Variants in ZBTB40 observed in about 807,000 individuals in gnomAD.
ZBTB40 encodes the protein zinc finger and BTB domain containing 40.
Under a neutral mutation model 117.5 loss-of-function variants are expected in ZBTB40, and 60 were observed. That is an observed-to-expected ratio of 0.51 (90% CI 0.41 to 0.63). The LOEUF (loss-of-function observed/expected upper bound fraction) is 0.63, where lower values mean the gene tolerates loss of function less well. Ranked by LOEUF, ZBTB40 falls within the 30% of genes least tolerant of loss-of-function variation. The probability of loss-of-function intolerance (pLI) is 0.00; values close to 1 mark genes in which losing one functional copy is unlikely to be tolerated. For synonymous variants in ZBTB40, 525 were observed against 577.1 expected (o/e 0.91, Z 1.29); for missense variants, 1,287 against 1,498.5 (o/e 0.86, Z 2.33).
intron 1 of ZBTB40, among the ~76,000 whole-genome samples, chr1:22,476,943 G>A (rs1641562216): frequency 6.6e-6 from 1 of 152,184 alleles, no homozygotes; most frequent in African/African-American, 2.4e-5. Flanking sequence ...TCCGGAAAGT[G>A]CCCTTTCACC....
At chr1:22,495,088 T>C (rs1638736981) in intron 3 of ZBTB40, among the ~76,000 whole-genome samples, 4 of 152,198 alleles carry the variant, frequency 2.6e-5, no homozygotes, top group African/African-American at 9.6e-5. Context: ...TTAAAAATAG[T>C]CTACTCCTGG....
chr1:22,433,955 G>A (rs1640636741), intron 1 of ZBTB40, among the ~76,000 whole-genome samples: 1 of 151,504 alleles, frequency 6.6e-6, no homozygotes, highest in South Asian at 2.1e-4. Flanking sequence ...ACATTCTTTA[G>A]TACACATGCA....
At chr1:22,474,006 A>G (rs1162581451) in intron 1 of ZBTB40, among the ~76,000 whole-genome samples, 1 of 152,174 alleles carries the variant, frequency 6.6e-6, no homozygotes, top group African/African-American at 2.4e-5. Flanking sequence ...GCAAAGTGTT[A>G]TTAGCATCAT....
chr1:22,471,059 A>AT (rs1641391916), intron 1 of ZBTB40, among the ~76,000 whole-genome samples: 1 of 152,226 alleles, frequency 6.6e-6, no homozygotes, highest in Non-Finnish European at 1.5e-5. Context: ...AGATAGTGCT[A>AT]TCCAACCTCC....
intron 1 of ZBTB40, among the ~76,000 whole-genome samples, chr1:22,479,135 A>T (rs1204735752): frequency 1.3e-5 from 2 of 152,222 alleles, no homozygotes; most frequent in Non-Finnish European, 2.9e-5. Flanking sequence ...AGTCTTCATT[A>T]TAAGAAATTG....
intron 1 of ZBTB40, among the ~76,000 whole-genome samples, chr1:22,432,174 G>A (rs1640600741): frequency 6.6e-6 from 1 of 152,180 alleles, no homozygotes; most frequent in South Asian, 2.1e-4. Flanking sequence ...TCTCTTCCTG[G>A]TTCTGGGTGC....
In ZBTB40 at chr1:22,527,708, C is replaced by T. The variant is rs1320260049; in HGVS notation, c.*1312C>T. The T allele has an allele frequency of 1.3e-5, 2 of 152,440 alleles. No individual in the cohort carries two copies. The highest frequency in any genetic ancestry group is 4.8e-5 in the African/African-American group (2 of 41,466). The allele number at this position is 152,440 out of a possible 1,614,324, so 9.4% of individuals were successfully genotyped here. A position where few individuals can be genotyped will look rare whatever the true frequency, so the allele number is the denominator to read the frequency against. On this transcript the variant is annotated 3_prime_UTR_variant, in exon 18 of 18. Transcript: ENST00000375647. ...CACACTGGCAGAGATGGGGCCACCCCTTCCTTCCAGGCACATCTCACATTG... is the reference window on the plus strand; with the variant it reads ...CACACTGGCAGAGATGGGGCCACCCTTTCCTTCCAGGCACATCTCACATTG...
At chr1:22,516,073 GT>G (rs2124464869) in intron 12 of ZBTB40, among the ~76,000 whole-genome samples, 1 of 152,294 alleles carries the variant, frequency 6.6e-6, no homozygotes, top group East Asian at 1.9e-4. Flanking sequence ...GATGTGGGAT[GT>G]GAAGGAAAGA....
At chr1:22,507,278 A>C (rs535782568) in intron 6 of ZBTB40, among the ~76,000 whole-genome samples, 1 of 152,346 alleles carries the variant, frequency 6.6e-6, no homozygotes, top group Admixed American at 6.5e-5. Flanking sequence ...TGGCTAGTAT[A>C]ATACATGTAA....
chr1:22,452,892 G>A (rs1002576382), intron 1 of ZBTB40: 3 of 152,310 alleles, frequency 2.0e-5, no homozygotes, highest in African/African-American at 7.2e-5. Flanking sequence ...AATGAACCAG[G>A]TGCTTTATTT....
chr1:22,500,304 A>G (rs1006021443), intron 3 of ZBTB40, among the ~76,000 whole-genome samples: 9 of 152,174 alleles, frequency 5.9e-5, no homozygotes, highest in African/African-American at 2.2e-4. Context: ...TTGGTTTTAT[A>G]TGCGCCCCTG....
chr1:22,441,267 A>G (rs938994236), intron 1 of ZBTB40, among the ~76,000 whole-genome samples: 11 of 152,068 alleles, frequency 7.2e-5, no homozygotes, highest in African/African-American at 1.9e-4. Flanking sequence ...GTTGGTATAC[A>G]ATTGTTTGTA....
chr1:22,458,248 G>C (rs981449897), intron 1 of ZBTB40, among the ~76,000 whole-genome samples: 1 of 152,178 alleles, frequency 6.6e-6, no homozygotes, highest in African/African-American at 2.4e-5. Context: ...GCACAGATCG[G>C]AATATGTGAT....
At chr1:22,495,941 G>A (rs1170977283) in intron 3 of ZBTB40, among the ~76,000 whole-genome samples, 1 of 152,168 alleles carries the variant, frequency 6.6e-6, no homozygotes, top group Admixed American at 6.5e-5. Context: ...TTTTCATGTG[G>A]GTAAAAACAA....
chr1:22,517,805 TC>T (rs1639415288), intron 13 of ZBTB40, among the ~76,000 whole-genome samples: 1 of 53,782 alleles, frequency 1.9e-5, no homozygotes, highest in Non-Finnish European at 3.3e-5. Flanking sequence ...CATTAGGCCA[TC>T]TTCCATTTGC....
intron 1 of ZBTB40, among the ~76,000 whole-genome samples, chr1:22,460,712 A>G (rs34218005): frequency 0.025 from 3,869 of 152,330 alleles, 68 homozygotes; most frequent in Non-Finnish European, 0.035. Flanking sequence ...CAGATTTAGA[A>G]CCCAACTCTT....
chr1:22,481,667 C>G (rs1462994136), intron 1 of ZBTB40, among the ~76,000 whole-genome samples: 1 of 151,410 alleles, frequency 6.6e-6, no homozygotes, highest in Non-Finnish European at 1.5e-5. Flanking sequence ...TTGAGTCTAT[C>G]CCGAAAATAT....
intron 3 of ZBTB40, among the ~76,000 whole-genome samples, chr1:22,500,853 C>T (rs1638918201): frequency 6.6e-6 from 1 of 152,148 alleles, no homozygotes; most frequent in Admixed American, 6.5e-5. Flanking sequence ...ATTAATAAGG[C>T]CCGTGTCTTT....
chr1:22,467,536 G>A (rs566337511), intron 1 of ZBTB40, among the ~76,000 whole-genome samples: 187 of 152,202 alleles, frequency 1.2e-3, no homozygotes, highest in Admixed American at 2.5e-3. Context: ...GTGCAGTGGC[G>A]CAATCTCTGC....
Sources: allele counts gnomAD v4.1 joint callset (sites outside exome capture counted in the v4.1 genomes callset), GRCh38; gene constraint gnomAD v4.1.1; transcripts MANE v1.5; gene names NCBI Gene and HGNC (gene_info 2026-07-23, HGNC 2026-07-21).